The following SHISA6 variants were observed in gnomAD, a reference collection of about 807,000 sequenced individuals.
The protein encoded by SHISA6 is shisa family member 6.
A neutral mutation model predicts 47.9 loss-of-function variants in SHISA6; 22 were observed. The ratio of observed to expected loss-of-function variants is 0.46; its 90% CI spans 0.33 to 0.66. The LOEUF (loss-of-function observed/expected upper bound fraction) is 0.66, where lower values mean the gene tolerates loss of function less well. SHISA6 is among the 30% of genes least tolerant of loss of function. The probability of loss-of-function intolerance (pLI) is 0.02; values close to 1 mark genes in which losing one functional copy is unlikely to be tolerated. For missense variants in SHISA6, 680 were observed against 764.6 expected (o/e 0.89, Z 1.30); for synonymous variants, 388 against 337.8 (o/e 1.15, Z -1.63).
chr17:11,283,933 G>GT (rs937286357), intron 2 of SHISA6, among the ~76,000 whole-genome samples: 5 of 152,092 alleles, frequency 3.3e-5, no homozygotes, highest in African/African-American at 9.7e-5. Context: ...AGACTTGATA[G>GT]TTTTTTTGGT....
intron 1 of SHISA6, among the ~76,000 whole-genome samples, chr17:11,254,734 G>T (rs1018837261): frequency 6.6e-6 from 1 of 152,224 alleles, no homozygotes; most frequent in African/African-American, 2.4e-5. Flanking sequence ...AACTCAGAAG[G>T]AGTGTATCCT....
chr17:11,272,079 C>T lies in SHISA6; in HGVS notation c.799+8553C>T, dbSNP rs138022940. On this transcript the variant is annotated intron_variant, in intron 2 of 5. Transcript: ENST00000441885. The stretch of plus-strand genomic sequence containing the variant: ...TACCTCCTCCTCAGCCCATCTCCTC[C>T]GCTCCACTACCAGGCACCCTCCTTC... Among the ~76,000 whole-genome samples, 1,216 of 152,250 alleles carry T rather than the reference C, an allele frequency of 8.0e-3. 7 individuals carry two copies. Among genetic ancestry groups the T allele is most frequent in the Middle Eastern group, 0.021 (6 of 292 alleles).
chr17:11,343,909 G>A (rs1248854895), intron 2 of SHISA6, among the ~76,000 whole-genome samples: 1 of 152,154 alleles, frequency 6.6e-6, no homozygotes, highest in Non-Finnish European at 1.5e-5. Context: ...GGCTCGCCTC[G>A]AACTCCTGAC....
Position 11,559,037 on chromosome 17 carries a change from C to T in SHISA6, c.*733C>T, listed in dbSNP as rs1567640264. The T allele has an allele frequency of 1.3e-5, 2 of 152,962 alleles. No homozygotes were observed. The highest frequency in any genetic ancestry group is 1.5e-5 in the Non-Finnish European group (1 of 68,354). The allele number at this position is 152,962 out of a possible 1,614,324, so 9.5% of individuals were successfully genotyped here. A position where few individuals can be genotyped will look rare whatever the true frequency, so the allele number is the denominator to read the frequency against. On this transcript the variant is annotated 3_prime_UTR_variant, in exon 6 of 6. Coordinates refer to ENST00000441885, the MANE Select transcript of SHISA6 (RefSeq NM_207386.4). This position sits in a 1 kb window ranked among gnomAD's most constrained non-coding sequence, Gnocchi z 4.4. ...ACTCCACCCCCTTCCAGCTGACTGC[C>T]CGCCCATAAGGACCCTGGGCCTGTC...
chr17:11,488,861 C>A (rs1916411313), intron 3 of SHISA6, among the ~76,000 whole-genome samples: 1 of 152,158 alleles, frequency 6.6e-6, no homozygotes, highest in Non-Finnish European at 1.5e-5. Flanking sequence ...AGCCACATGG[C>A]CAGAGAATGG....
intron 2 of SHISA6, among the ~76,000 whole-genome samples, chr17:11,366,890 C>T (rs1313921247): frequency 1.3e-5 from 2 of 152,080 alleles, no homozygotes; most frequent in African/African-American, 2.4e-5. Context: ...TGTTGAAGTC[C>T]GAATTGCTGA....
rs572941089 is a variant in SHISA6 at position 11,535,966 on chromosome 17, A to T, written c.896-15930A>T. Among the ~76,000 whole-genome samples, 14 of 152,182 alleles carry T rather than the reference A, an allele frequency of 9.2e-5. No homozygotes were observed. In the South Asian group the frequency reaches 2.7e-3, roughly 29 times the overall value. On this transcript the variant is annotated intron_variant, in intron 3 of 5. Transcript: ENST00000441885. ...CATATATATACACATATAGACATAT[A>T]TAGATATATAGAGATATTTATATCT...
intron 1 of SHISA6, among the ~76,000 whole-genome samples, chr17:11,247,594 T>C (rs1007542376): frequency 5.9e-5 from 9 of 152,182 alleles, no homozygotes; most frequent in Non-Finnish European, 1.3e-4. Context: ...GCATGTAAGA[T>C]GTCTCAGATT....
chr17:11,335,771 C>T (rs7207624), intron 2 of SHISA6, among the ~76,000 whole-genome samples: 26,760 of 152,138 alleles, frequency 0.18, 2,552 homozygotes, highest in Middle Eastern at 0.28. Context: ...ACTCATTGGC[C>T]GGGTGACCTT....
chr17:11,319,290 G>A (rs1156618391), intron 2 of SHISA6, among the ~76,000 whole-genome samples: 1 of 152,052 alleles, frequency 6.6e-6, no homozygotes, highest in Non-Finnish European at 1.5e-5. Context: ...TGTTGGCCAG[G>A]CTAGTCTCGA....
intron 2 of SHISA6, among the ~76,000 whole-genome samples, chr17:11,347,325 C>A (rs2142217571): frequency 6.6e-6 from 1 of 152,172 alleles, no homozygotes. Flanking sequence ...GGAGAAGAAC[C>A]AGGGGAGTAG....
chr17:11,353,089 T>C lies in SHISA6; in HGVS notation c.800-26325T>C, dbSNP rs1911945647. 3.3e-5 allele frequency among the ~76,000 whole-genome samples: 5 copies of C among 152,176 alleles called. No homozygotes were observed. In the South Asian group the frequency reaches 1.0e-3, roughly 32 times the overall value. ...ACCACTTTTCATGTTTCTTTCAAGT[T>C]ACATCTTCCTTCTTTATATGTGGTA... On this transcript the variant is annotated intron_variant, in intron 2 of 5. Coordinates refer to ENST00000441885, the MANE Select transcript of SHISA6 (RefSeq NM_207386.4).
At chr17:11,425,753 G>A (rs775301469) in intron 3 of SHISA6, among the ~76,000 whole-genome samples, 15 of 152,052 alleles carry the variant, frequency 9.9e-5, no homozygotes, top group Admixed American at 1.3e-4. Context: ...GGCTTTCTTC[G>A]CGGACATCAT....
intron 3 of SHISA6, among the ~76,000 whole-genome samples, chr17:11,444,813 T>A (rs1199494433): frequency 1.3e-5 from 2 of 152,158 alleles, no homozygotes; most frequent in Admixed American, 6.5e-5. Flanking sequence ...GTAAACAAGA[T>A]TCAGATGGGA....
chr17:11,481,866 C>T (rs3111847), intron 3 of SHISA6, among the ~76,000 whole-genome samples: 113,003 of 151,674 alleles, frequency 0.75, 42,800 homozygotes, highest in African/African-American at 0.89. Flanking sequence ...AGAAATGGCA[C>T]TGGGAGTGGC....
chr17:11,435,106 G>C (rs1034780879), intron 3 of SHISA6, among the ~76,000 whole-genome samples: 1 of 139,912 alleles, frequency 7.1e-6, no homozygotes, highest in Non-Finnish European at 1.5e-5. Context: ...GCTTATGAGT[G>C]TGGTCTCTGT....
At chr17:11,535,580 A>G (rs1476837565) in intron 3 of SHISA6, among the ~76,000 whole-genome samples, 1 of 152,222 alleles carries the variant, frequency 6.6e-6, no homozygotes, top group African/African-American at 2.4e-5. Flanking sequence ...TCAGCCATTT[A>G]TTACCAGTGT....
intron 3 of SHISA6, among the ~76,000 whole-genome samples, chr17:11,396,494 G>A (rs2142260326): frequency 6.6e-6 from 1 of 152,318 alleles, no homozygotes; most frequent in Admixed American, 6.5e-5. Flanking sequence ...AATCCTTTGA[G>A]TGTATACCCA....
intron 1 of SHISA6, among the ~76,000 whole-genome samples, chr17:11,250,371 C>G (rs951665242): frequency 1.3e-5 from 2 of 152,144 alleles, no homozygotes; most frequent in Non-Finnish European, 2.9e-5. Context: ...ATTTGCAAGC[C>G]CAGGAAGATA....
Sources: allele counts gnomAD v4.1 joint callset (sites outside exome capture counted in the v4.1 genomes callset), GRCh38; gene constraint gnomAD v4.1.1; non-coding constraint Gnocchi (gnomAD v3.1); transcripts MANE v1.5; gene names NCBI Gene and HGNC (gene_info 2026-07-23, HGNC 2026-07-21).